Variants in MALRD1 observed in about 807,000 individuals in gnomAD.
The protein encoded by MALRD1 is MAM and LDL-receptor class A domain-containing protein 1.
A neutral mutation model predicts 242.1 loss-of-function variants in MALRD1; 247 were observed. The observed-to-expected ratio is 1.02, with a 90% CI of 0.92 to 1.13. The LOEUF (loss-of-function observed/expected upper bound fraction) is 1.13, where lower values mean the gene tolerates loss of function less well. Among genes scored for constraint, MALRD1 ranks in the 50% most tolerant of loss-of-function variants. The pLI, the probability that MALRD1 is intolerant of heterozygous loss-of-function variation, is 0.00. For synonymous variants in MALRD1, 995 were observed against 866.6 expected (o/e 1.15, Z -2.60); for missense variants, 2,989 against 2,533.1 (o/e 1.18, Z -3.86).
intron 2 of MALRD1, among the ~76,000 whole-genome samples, chr10:19,086,990 T>C (rs1350940716): frequency 6.6e-6 from 1 of 152,112 alleles, no homozygotes; most frequent in Non-Finnish European, 1.5e-5. Flanking sequence ...AATGTGCTTA[T>C]TAGGGCCCAC....
intron 31 of MALRD1, among the ~76,000 whole-genome samples, chr10:19,524,426 A>G (rs1293339321): frequency 6.6e-6 from 1 of 152,088 alleles, no homozygotes; most frequent in Non-Finnish European, 1.5e-5. Context: ...GCAGTGAGCC[A>G]AGATTGTGCC....
At chr10:19,442,927 A>C (rs544164310) in intron 28 of MALRD1, among the ~76,000 whole-genome samples, 1 of 152,216 alleles carries the variant, frequency 6.6e-6, no homozygotes, top group East Asian at 1.9e-4. Flanking sequence ...TGGTAGAATT[A>C]GGCTGTGAAT....
At chr10:19,273,965 C>T (rs1350341130) in intron 19 of MALRD1, among the ~76,000 whole-genome samples, 2 of 151,986 alleles carry the variant, frequency 1.3e-5, no homozygotes, top group African/African-American at 2.4e-5. Context: ...GGCCACTATC[C>T]AAATAATGAA....
At chr10:19,277,833 A>T (rs1840607082) in intron 19 of MALRD1, among the ~76,000 whole-genome samples, 1 of 152,184 alleles carries the variant, frequency 6.6e-6, no homozygotes, top group Admixed American at 6.5e-5. Flanking sequence ...AGTCCTCCAG[A>T]TACTGGACAT....
chr10:19,174,769 A>G (rs1013471476), intron 13 of MALRD1, among the ~76,000 whole-genome samples: 24 of 151,992 alleles, frequency 1.6e-4, no homozygotes, highest in African/African-American at 5.8e-4. Context: ...TATAATATAT[A>G]TTATGTTTGT....
At chr10:19,247,810 C>G (rs1422266377) in intron 18 of MALRD1, among the ~76,000 whole-genome samples, 1 of 151,884 alleles carries the variant, frequency 6.6e-6, no homozygotes, top group Non-Finnish European at 1.5e-5. Flanking sequence ...ATGTTATTAA[C>G]AGCATTAATT....
At chr10:19,148,789 AT>A (rs1195224060) in intron 11 of MALRD1, among the ~76,000 whole-genome samples, 1,280 of 41,748 alleles carry the variant, frequency 0.031, 18 homozygotes, top group East Asian at 0.13. Context: ...AAAAAAAAAA[AT>A]ATATATATAT....
intron 33 of MALRD1, among the ~76,000 whole-genome samples, chr10:19,576,079 G>A (rs1420528065): frequency 6.6e-6 from 1 of 152,230 alleles, no homozygotes; most frequent in Non-Finnish European, 1.5e-5. Flanking sequence ...AAATTCAGAA[G>A]TAAGGCTAAG....
chr10:19,514,385 A>T (rs983058957), intron 31 of MALRD1, among the ~76,000 whole-genome samples: 1 of 152,162 alleles, frequency 6.6e-6, no homozygotes, highest in African/African-American at 2.4e-5. Context: ...AACATGTTAG[A>T]TAAGCCTAAT....
At chr10:19,161,509 A>G (rs1206232754) in intron 12 of MALRD1, among the ~76,000 whole-genome samples, 2 of 132,920 alleles carry the variant, frequency 1.5e-5, no homozygotes, top group Non-Finnish European at 3.2e-5. Context: ...ATAATAAAAA[A>G]AATAAATAAA....
chr10:19,048,682 AG>A, upstream of MALRD1: 1 of 293,046 alleles, frequency 3.4e-6, no homozygotes, highest in Non-Finnish European at 6.3e-6. Context: ...TATGGCATAC[AG>A]GGGGCAATAA....
chr10:19,568,839 C>A (rs1025738257), intron 33 of MALRD1, among the ~76,000 whole-genome samples: 3 of 152,082 alleles, frequency 2.0e-5, no homozygotes, highest in Admixed American at 2.0e-4. Flanking sequence ...TGTTCTATTT[C>A]TTAATTTTTT....
intron 21 of MALRD1, among the ~76,000 whole-genome samples, chr10:19,302,721 A>G (rs1017790786): frequency 1.3e-5 from 2 of 151,788 alleles, no homozygotes; most frequent in African/African-American, 4.8e-5. Flanking sequence ...TCTACGTTGT[A>G]TACTTCAAAA....
At chr10:19,616,027 A>G in intron 36 of MALRD1, 104 bp downstream of exon 36, 1 of 809,986 alleles carries the variant, frequency 1.2e-6, no homozygotes, top group African/African-American at 1.7e-5. Flanking sequence ...TGTGGTTAGT[A>G]AGGTAAAAAT....
intron 38 of MALRD1, among the ~76,000 whole-genome samples, chr10:19,717,586 T>G (rs1010293140): frequency 1.3e-5 from 2 of 152,222 alleles, no homozygotes; most frequent in African/African-American, 4.8e-5. Flanking sequence ...TTTACCCATG[T>G]GTTTTATTAT....
intron 14 of MALRD1, among the ~76,000 whole-genome samples, chr10:19,192,736 G>C (rs902023315): frequency 2.7e-5 from 4 of 146,826 alleles, no homozygotes; most frequent in Non-Finnish European, 6.1e-5. Flanking sequence ...CCCTAGGTTT[G>C]TGGTTGTTTG....
chr10:19,049,171 C>T (rs1834412872), intron 1 of MALRD1, 34 bp downstream of exon 1: 1 of 1,231,784 alleles, frequency 8.1e-7, no homozygotes, highest in East Asian at 3.2e-5. Flanking sequence ...AATTTCAATT[C>T]CCCGTACAGC....
chr10:19,399,342 A>G (rs1291020502), intron 28 of MALRD1, among the ~76,000 whole-genome samples: 3 of 152,200 alleles, frequency 2.0e-5, no homozygotes, highest in African/African-American at 4.8e-5. Flanking sequence ...TTTCTAGGGC[A>G]TTGCTTGAAA....
intron 26 of MALRD1, among the ~76,000 whole-genome samples, chr10:19,363,914 C>A (rs140505409): frequency 0.013 from 1,961 of 152,150 alleles, 46 homozygotes; most frequent in African/African-American, 0.044. Flanking sequence ...TTCTAATATG[C>A]AACCAGGGTG....
Sources: gnomAD v4.1 joint callset for allele counts (sites outside exome capture counted in the v4.1 genomes callset) on GRCh38, gnomAD v4.1.1 for gene constraint, MANE v1.5 for transcripts, NCBI Gene and HGNC (gene_info 2026-07-23, HGNC 2026-07-21) for gene names.